Variants in PTGER4 observed in about 807,000 individuals in gnomAD.
PTGER4 encodes the protein prostaglandin E receptor 4.
Under a neutral mutation model 33.2 loss-of-function variants are expected in PTGER4, and 11 were observed. The ratio of observed to expected loss-of-function variants is 0.33; its 90% confidence interval spans 0.21 to 0.55. The LOEUF is 0.55. PTGER4 is among the 20% of genes least tolerant of loss of function. PTGER4 has a pLI of 0.92. For synonymous variants in PTGER4, 275 were observed against 281.5 expected (o/e 0.98, Z 0.23); for missense variants, 481 against 650.2 (o/e 0.74, Z 2.83).
the PTGER4 span, among the ~76,000 whole-genome samples, chr5:40,709,848 G>A: frequency 6.6e-6 from 1 of 152,228 alleles, no homozygotes; most frequent in Non-Finnish European, 1.5e-5. Flanking sequence ...ACAGACCAAT[G>A]GTGCTGGGAA....
At position 40,691,326 on chromosome 5, in the gene PTGER4, C is replaced by T. The variant is rs769887609; in HGVS notation, c.868-453C>T. Among the ~76,000 whole-genome samples the T allele has an allele frequency of 5.3e-5, 8 of 152,222 alleles. No individual in the cohort carries two copies. The highest frequency in any genetic ancestry group is 1.0e-4 in the Non-Finnish European group (7 of 68,040). On this transcript the variant is annotated intron_variant, in intron 2 of 2. Transcript: ENST00000302472. The surrounding 1 kb of genome is among the most constrained non-coding windows in gnomAD (Gnocchi z 4.2). ...CCTCCCGAGTAGCTGGGACTACAGG[C>T]GCATGCCACCACACCCAGCTAATTT...
the PTGER4 span, among the ~76,000 whole-genome samples, chr5:40,700,503 A>C: frequency 6.6e-6 from 1 of 152,328 alleles, no homozygotes; most frequent in Non-Finnish European, 1.5e-5. Flanking sequence ...TCCATCTCCC[A>C]TGGGTTGCAC....
chr5:40,700,108 A>G, the PTGER4 span, among the ~76,000 whole-genome samples: 1 of 152,400 alleles, frequency 6.6e-6, no homozygotes, highest in South Asian at 2.1e-4. Flanking sequence ...CAAGGCTACA[A>G]GGTCAATATA....
chr5:40,725,914 C>T, the PTGER4 span, among the ~76,000 whole-genome samples: 2 of 151,206 alleles, frequency 1.3e-5, no homozygotes, highest in East Asian at 1.9e-4. Context: ...GCCTCCCGAG[C>T]AGCTGGGACT....
At chr5:40,700,530 G>A in the PTGER4 span, among the ~76,000 whole-genome samples, 2 of 152,214 alleles carry the variant, frequency 1.3e-5, no homozygotes, top group Non-Finnish European at 1.5e-5. Context: ...CCCATGGCTC[G>A]TCACCAGACA....
At position 40,681,969 on chromosome 5, in the gene PTGER4, C is replaced by T. The variant is rs1741207749; in HGVS notation, c.867+109C>T. 1.5e-6 allele frequency: 2 copies of T among 1,337,764 alleles called. No homozygotes were observed. Among genetic ancestry groups the T allele is most frequent in the Middle Eastern group, 2.7e-4 (1 of 3,672 alleles). The allele number at this position is 1,337,764 out of a possible 1,614,324, so 82.9% of individuals were successfully genotyped here. On this transcript the variant is annotated intron_variant, in intron 2 of 2. Transcript: ENST00000302472. This position sits in a 1 kb window ranked among gnomAD's most constrained non-coding sequence, Gnocchi z 9.8. Reference sequence around the variant, plus strand: ...TGAGTCCTTGGCAGTGAACGTGTCGCCTTTAGGTCGGGGCTGGGATTCCCA... The same window carrying T: ...TGAGTCCTTGGCAGTGAACGTGTCGTCTTTAGGTCGGGGCTGGGATTCCCA...
chr5:40,739,671 G>C, the PTGER4 span, among the ~76,000 whole-genome samples: 1 of 152,158 alleles, frequency 6.6e-6, no homozygotes, highest in East Asian at 1.9e-4. Flanking sequence ...CCCAGAAGCT[G>C]AGCAGATGCC....
At chr5:40,694,537 C>T (rs1427098195), downstream of PTGER4, among the ~76,000 whole-genome samples, 1 of 152,136 alleles carries the variant, frequency 6.6e-6, no homozygotes, top group Non-Finnish European at 1.5e-5. Flanking sequence ...CTCTTGAGCC[C>T]CCTCTCCTTG....
rs11548822 is a variant in PTGER4 at position 40,680,215 on chromosome 5, A to G, written c.-307A>G. 1.3e-5 allele frequency: 2 copies of G among 152,154 alleles called. No homozygotes were observed. The highest frequency in any genetic ancestry group is 4.8e-5 in the African/African-American group (2 of 41,428). The allele number at this position is 152,154 out of a possible 1,614,324, so 9.4% of individuals were successfully genotyped here. ...CAAAGCTGGGACTCGTCTTTGAAGG[A>G]AAAAAAATAGCGAGTAAGAAATCCA... On this transcript the variant is annotated 5_prime_UTR_variant, in exon 1 of 3. Coordinates refer to ENST00000302472, the MANE Select transcript of PTGER4 (RefSeq NM_000958.3). The surrounding 1 kb of genome is among the most constrained non-coding windows in gnomAD (Gnocchi z 5.5).
chr5:40,706,147 C>T, the PTGER4 span, among the ~76,000 whole-genome samples: 12 of 152,196 alleles, frequency 7.9e-5, no homozygotes, highest in African/African-American at 1.9e-4. Flanking sequence ...TAAGCATCCA[C>T]GAAAGAGAAT....
the PTGER4 span, among the ~76,000 whole-genome samples, chr5:40,736,282 A>G: frequency 6.6e-6 from 1 of 152,264 alleles, no homozygotes; most frequent in African/African-American, 2.4e-5. Context: ...AACCACTGTC[A>G]TTAAATATAC....
the PTGER4 span, among the ~76,000 whole-genome samples, chr5:40,731,772 T>C: frequency 1.3e-5 from 2 of 152,162 alleles, no homozygotes; most frequent in African/African-American, 4.8e-5. Flanking sequence ...TTCCTACTCC[T>C]CTTCATCTAT....
chr5:40,682,466 C>G (rs1450568687), intron 2 of PTGER4, among the ~76,000 whole-genome samples: 1 of 151,988 alleles, frequency 6.6e-6, no homozygotes, highest in African/African-American at 2.4e-5. Flanking sequence ...ATAATCCAGC[C>G]GAACCTACAC....
At chr5:40,693,832 A>T, downstream of PTGER4, 1 of 606,602 alleles carries the variant, frequency 1.6e-6, no homozygotes, top group Non-Finnish European at 2.1e-6. Context: ...TTTAAAATTT[A>T]TTGTGAAATA....
At chr5:40,725,038 C>T in the PTGER4 span, among the ~76,000 whole-genome samples, 1 of 151,680 alleles carries the variant, frequency 6.6e-6, no homozygotes, top group African/African-American at 2.4e-5. Context: ...GTAGAGACGA[C>T]GTTTCACCAT....
At chr5:40,689,678 C>T (rs772925993) in intron 2 of PTGER4, among the ~76,000 whole-genome samples, 23 of 152,138 alleles carry the variant, frequency 1.5e-4, no homozygotes, top group Non-Finnish European at 2.2e-4. Context: ...TTCATTGTTA[C>T]GCTGTATATA....
the PTGER4 span, among the ~76,000 whole-genome samples, chr5:40,723,512 TAA>T: frequency 0.32 from 45,854 of 143,578 alleles, 7,409 homozygotes; most frequent in East Asian, 0.58. Flanking sequence ...TAACTCAAAT[TAA>T]AAAAAAAAAA....
the PTGER4 span, among the ~76,000 whole-genome samples, chr5:40,738,489 CAATACAATACAATACAATAA>C: frequency 9.8e-6 from 1 of 101,636 alleles, no homozygotes. Context: ...CAATACAATA[CAATACAATACAATACAATAA>C]AATACAATAA....
chr5:40,733,386 A>G, the PTGER4 span, among the ~76,000 whole-genome samples: 1 of 152,172 alleles, frequency 6.6e-6, no homozygotes, highest in African/African-American at 2.4e-5. Context: ...TGTATCCCAA[A>G]ATAAGCCATA....
Sources: allele counts gnomAD v4.1 joint callset (sites outside exome capture counted in the v4.1 genomes callset), GRCh38; gene constraint gnomAD v4.1.1; non-coding constraint Gnocchi (gnomAD v3.1); transcripts MANE v1.5; gene names NCBI Gene and HGNC (gene_info 2026-07-23, HGNC 2026-07-21).